Variants in PLXDC2 observed in about 807,000 individuals in gnomAD.
PLXDC2 encodes the protein plexin domain-containing protein 2.
In PLXDC2, 40 loss-of-function variants were observed where a neutral mutation model predicts 68.9. The ratio of observed to expected loss-of-function variants is 0.58; its 90% confidence interval spans 0.45 to 0.76. PLXDC2 has a LOEUF of 0.76. Among genes scored for constraint, PLXDC2 ranks in the 30% least tolerant of loss-of-function variants. PLXDC2 has a pLI of 0.00. For synonymous variants in PLXDC2, 243 were observed against 234.2 expected, an observed-to-expected ratio of 1.04 and a Z score of -0.34; for missense variants, 644 against 661.9, an observed-to-expected ratio of 0.97 and a Z score of 0.30.
intron 1 of PLXDC2, among the ~76,000 whole-genome samples, chr10:19,865,322 A>C (rs564682828): frequency 6.6e-6 from 1 of 152,210 alleles, no homozygotes; most frequent in Non-Finnish European, 1.5e-5. Flanking sequence ...TATTGAGCTT[A>C]AGAGTTCAGA....
chr10:20,163,227 C>A (rs775796701), intron 6 of PLXDC2, among the ~76,000 whole-genome samples: 1 of 152,050 alleles, frequency 6.6e-6, no homozygotes, highest in East Asian at 1.9e-4. Flanking sequence ...TTAAGAGAGA[C>A]CTGAAATAAT....
At chr10:19,915,039 T>C (rs1045645077) in intron 1 of PLXDC2, among the ~76,000 whole-genome samples, 2 of 152,206 alleles carry the variant, frequency 1.3e-5, no homozygotes, top group Non-Finnish European at 2.9e-5. Context: ...AGACACTGTA[T>C]TGATGAGTCA....
chr10:20,264,361 C>T (rs2681927), intron 13 of PLXDC2, among the ~76,000 whole-genome samples: 129,435 of 152,072 alleles, frequency 0.85, 55,557 homozygotes, highest in Middle Eastern at 0.95. Flanking sequence ...AACTATCAGG[C>T]ACTGGGCTTA....
intron 7 of PLXDC2, among the ~76,000 whole-genome samples, chr10:20,165,861 C>T (rs1029317613): frequency 6.6e-6 from 1 of 152,078 alleles, no homozygotes; most frequent in South Asian, 2.1e-4. Flanking sequence ...TATAAATAGG[C>T]ATCTGTTGAA....
At chr10:19,947,707 C>CTTTTTTTTTTTTTTTTTTTTTCTTTTTT (rs34439585) in intron 1 of PLXDC2, among the ~76,000 whole-genome samples, 1 of 120,974 alleles carries the variant, frequency 8.3e-6, no homozygotes, top group African/African-American at 3.0e-5. Context: ...TTCTTTCTTT[C>CTTTTTTTTTTTTTTTTTTTTTCTTTTTT]TTTTTTTTTT....
At chr10:20,142,603 A>T (rs2461921) in intron 4 of PLXDC2, among the ~76,000 whole-genome samples, 1 of 151,994 alleles carries the variant, frequency 6.6e-6, no homozygotes, top group South Asian at 2.1e-4. Context: ...ATTCCCTCTC[A>T]TTATCCAACT....
chr10:20,206,873 C>G (rs1298431284), intron 9 of PLXDC2, among the ~76,000 whole-genome samples: 3 of 146,962 alleles, frequency 2.0e-5, no homozygotes, highest in Admixed American at 6.7e-5. Flanking sequence ...CACACACACA[C>G]AGACACACAC....
At chr10:20,065,860 CT>C (rs1459440446) in intron 3 of PLXDC2, among the ~76,000 whole-genome samples, 6 of 152,354 alleles carry the variant, frequency 3.9e-5, no homozygotes, top group African/African-American at 1.2e-4. Flanking sequence ...ACTGACGAAG[CT>C]TCCCTGGGTT....
At chr10:19,819,654 A>G (rs1342568379) in intron 1 of PLXDC2, among the ~76,000 whole-genome samples, 1 of 152,222 alleles carries the variant, frequency 6.6e-6, no homozygotes, top group Admixed American at 6.5e-5. Context: ...ATAAACTGCT[A>G]ATTTCCTCTA....
At chr10:19,934,102 T>G (rs1253573385) in intron 1 of PLXDC2, among the ~76,000 whole-genome samples, 1 of 152,222 alleles carries the variant, frequency 6.6e-6, no homozygotes, top group Non-Finnish European at 1.5e-5. Flanking sequence ...ATAAAATGCG[T>G]GATCATTGGG....
intron 1 of PLXDC2, among the ~76,000 whole-genome samples, chr10:19,860,493 C>G (rs1255290615): frequency 6.6e-6 from 1 of 152,146 alleles, no homozygotes; most frequent in Admixed American, 6.5e-5. Flanking sequence ...GTGCAATGTT[C>G]TGGCTGTTTT....
intron 6 of PLXDC2, among the ~76,000 whole-genome samples, chr10:20,157,600 C>T (rs1834233901): frequency 6.6e-6 from 1 of 152,110 alleles, no homozygotes; most frequent in Non-Finnish European, 1.5e-5. Flanking sequence ...AGAAAGATAC[C>T]ACAGAGTGGA....
At position 20,208,454 on chromosome 10, in the gene PLXDC2, C is replaced by T. The variant is rs1835022760; in HGVS notation, c.1062-3215C>T. 4.6e-5 allele frequency among the ~76,000 whole-genome samples: 7 copies of T among 152,162 alleles called. No homozygotes were observed. In the South Asian group the frequency reaches 1.5e-3, roughly 32 times the overall value. On this transcript the variant is annotated intron_variant, in intron 9 of 13. Transcript: ENST00000377252. Reference sequence around the variant, plus strand: ...TGATTAGATTATCTCCCACTGGGTCCCTCCCACAACACAGGGAAATTATGG... The same window carrying T: ...TGATTAGATTATCTCCCACTGGGTCTCTCCCACAACACAGGGAAATTATGG...
At chr10:19,851,177 A>C (rs1237762266) in intron 1 of PLXDC2, among the ~76,000 whole-genome samples, 1 of 152,204 alleles carries the variant, frequency 6.6e-6, no homozygotes, top group Non-Finnish European at 1.5e-5. Flanking sequence ...AGGAAGGTCA[A>C]ATCTCAGGAA....
intron 1 of PLXDC2, among the ~76,000 whole-genome samples, chr10:19,885,294 T>G (rs1039298720): frequency 3.3e-5 from 5 of 150,618 alleles, no homozygotes; most frequent in Admixed American, 6.6e-5. Context: ...TTTCTCCCAT[T>G]TTGTAGGTTG....
intron 1 of PLXDC2, among the ~76,000 whole-genome samples, chr10:19,838,998 C>T (rs1242338276): frequency 1.3e-5 from 2 of 151,982 alleles, no homozygotes; most frequent in African/African-American, 4.8e-5. Context: ...CCAGCCTGGC[C>T]AACATGGTGA....
chr10:20,153,601 T>C (rs926539960), intron 6 of PLXDC2, among the ~76,000 whole-genome samples: 37 of 152,170 alleles, frequency 2.4e-4, no homozygotes, highest in Admixed American at 1.3e-3. Flanking sequence ...ACCTCCAAAG[T>C]TGATAAAATC....
At chr10:19,858,872 A>T (rs1270150819) in intron 1 of PLXDC2, among the ~76,000 whole-genome samples, 1 of 152,172 alleles carries the variant, frequency 6.6e-6, no homozygotes, top group African/African-American at 2.4e-5. Flanking sequence ...TGGGTAATTT[A>T]TACAGAAAAG....
At chr10:20,227,327 A>G (rs1025780111) in intron 12 of PLXDC2, among the ~76,000 whole-genome samples, 1 of 152,184 alleles carries the variant, frequency 6.6e-6, no homozygotes, top group Non-Finnish European at 1.5e-5. Flanking sequence ...GAAAAACTAT[A>G]TAAGAACAGA....
Sources: gnomAD v4.1 joint callset for allele counts (sites outside exome capture counted in the v4.1 genomes callset) on GRCh38, gnomAD v4.1.1 for gene constraint, MANE v1.5 for transcripts, NCBI Gene and HGNC (gene_info 2026-07-23, HGNC 2026-07-21) for gene names.